ADSL: variants seen among roughly 807,000 people sequenced by gnomAD.
ADSL encodes the protein adenylosuccinate lyase, also known as adenylosuccinase.
ADSL carries 44 observed loss-of-function variants against 62.1 expected under a neutral mutation model. The observed-to-expected ratio is 0.71, with a 90% CI of 0.56 to 0.91. The LOEUF (loss-of-function observed/expected upper bound fraction) is 0.91, where lower values mean the gene tolerates loss of function less well. Ranked by LOEUF, ADSL falls within the 40% of genes least tolerant of loss-of-function variation. The pLI, the probability that ADSL is intolerant of heterozygous loss-of-function variation, is 0.00. For synonymous variants in ADSL, 198 were observed against 220.5 expected (o/e 0.90, Z 0.90); for missense variants, 531 against 627.4 (o/e 0.85, Z 1.64).
intron 1 of ADSL, chr22:40,347,384 CT>C (rs2044183843): frequency 1.3e-5 from 2 of 152,262 alleles, no homozygotes; most frequent in South Asian, 4.1e-4. Context: ...TTTATAATTT[CT>C]TTTCTAAGGG....
intron 4 of ADSL, 104 bp from the exon 5 acceptor site, chr22:40,358,760 G>C: frequency 1.9e-6 from 2 of 1,057,386 alleles, no homozygotes; most frequent in East Asian, 2.4e-5. Flanking sequence ...TACTTAAATT[G>C]TTCTCCCTCC....
intron 11 of ADSL, 147 bp downstream of exon 11, chr22:40,364,512 A>G (rs188592067): frequency 5.2e-6 from 4 of 772,900 alleles, no homozygotes; most frequent in East Asian, 2.7e-5. Context: ...TCTGCCATCT[A>G]TGGAGGGTGA....
At chr22:40,356,032 CA>C (rs1212379585) in intron 4 of ADSL, among the ~76,000 whole-genome samples, 1,516 of 55,330 alleles carry the variant, frequency 0.027, 7 homozygotes, top group African/African-American at 0.045. Context: ...ACTAAAAATA[CA>C]AAAAAAAAAA....
At chr22:40,364,692 G>T (rs1601597372) in intron 11 of ADSL, 188 bp from the exon 12 acceptor site, 1 of 673,712 alleles carries the variant, frequency 1.5e-6, no homozygotes, top group East Asian at 2.7e-5. Context: ...TCCATTTCAG[G>T]CTTGTCCTAA....
chr22:40,361,553 C>T lies in ADSL; in HGVS notation c.928C>T (p.His310Tyr), dbSNP rs2044791004. ...RSERCCSLAR[H>Y]LMTLVMDPLQ... ...AGAACGTTGCTGCAGTCTTGCCCGC[C>T]ACCTGATGACCCTTGTCATGGACCC... The change falls in exon 9 of 13, where the codon CAC becomes TAC. Residue 310 changes from histidine to tyrosine, a missense_variant. His to Tyr is a moderately conservative substitution (Grantham distance 83). Around this residue, in one of 2 missense-constraint regions of ADSL, gnomAD observed 471 missense variants for 592.9 expected, o/e 0.79. Coordinates refer to ENST00000623063, the MANE Select transcript of ADSL (RefSeq NM_000026.4). The T allele has an allele frequency of 6.2e-7, 1 of 1,614,110 alleles. No homozygotes were observed. Among genetic ancestry groups the T allele is most frequent in the African/African-American group, 1.3e-5 (1 of 74,932 alleles).
downstream of ADSL, chr22:40,369,420 TG>T (rs1262936696): frequency 6.8e-6 from 1 of 147,544 alleles, no homozygotes; most frequent in African/African-American, 2.5e-5. Context: ...TGTACATTTA[TG>T]TATATATATA....
chr22:40,376,432 G>A (rs887918411), intron 2 of ADSL: 1 of 151,994 alleles, frequency 6.6e-6, no homozygotes, highest in East Asian at 1.9e-4. Flanking sequence ...GTGATTACAG[G>A]TGCATGCCAC....
At chr22:40,382,788 C>T (rs1424933583) in intron 2 of ADSL, among the ~76,000 whole-genome samples, 1 of 152,174 alleles carries the variant, frequency 6.6e-6, no homozygotes, top group East Asian at 1.9e-4. Flanking sequence ...CCATGCCAAG[C>T]ATGTGATAGG....
In ADSL at chr22:40,346,552, G is replaced by A. The variant is rs1186560467; in HGVS notation, c.-7G>A. The A allele has an allele frequency of 1.2e-6, 2 of 1,602,828 alleles. No individual in the cohort carries two copies. Among genetic ancestry groups the A allele is most frequent in the Non-Finnish European group, 1.7e-6 (2 of 1,176,434 alleles). ...CCAGTCCACCCTGGCGGGGTCGCAGGGTTGGGATGGCGGCTGGAGGCGATC... is the reference window on the plus strand; with the variant it reads ...CCAGTCCACCCTGGCGGGGTCGCAGAGTTGGGATGGCGGCTGGAGGCGATC... On this transcript the variant is annotated 5_prime_UTR_variant, in exon 1 of 13. Coordinates refer to ENST00000623063, the MANE Select transcript of ADSL (RefSeq NM_000026.4).
At chr22:40,348,577 C>T in intron 1 of ADSL, 1 of 398,542 alleles carries the variant, frequency 2.5e-6, no homozygotes. Context: ...AGATGGGTCT[C>T]ACTGTGTTTT....
Position 40,366,979 on chromosome 22 carries a change from TAAA to T in ADSL, c.*472_*474del, listed in dbSNP as rs71718801. ...GAAGTTTGGAACTACAGTAAATACT[TAAA>T]AAAAAAAAAAAAAAGAACCAAACCC... On this transcript the variant is annotated 3_prime_UTR_variant, in exon 13 of 13. Transcript: ENST00000623063. 4.4e-5 allele frequency: 6 copies of T among 135,984 alleles called. No homozygotes were observed. Among genetic ancestry groups the T allele is most frequent in the Admixed American group, 2.1e-4 (3 of 14,090 alleles). The allele number at this position is 135,984 out of a possible 1,614,324, so 8.4% of individuals were successfully genotyped here.
At chr22:40,376,623 C>G (rs1357093838) in intron 2 of ADSL, 1 of 152,152 alleles carries the variant, frequency 6.6e-6, no homozygotes, top group Non-Finnish European at 1.5e-5. Context: ...TATTAACTCA[C>G]AATCCTCACA....
intron 4 of ADSL, among the ~76,000 whole-genome samples, chr22:40,355,433 C>T (rs772223331): frequency 6.6e-6 from 1 of 152,208 alleles, no homozygotes; most frequent in East Asian, 1.9e-4. Context: ...GCTGGGATTA[C>T]AGGCGTGAGC....
intron 2 of ADSL, among the ~76,000 whole-genome samples, chr22:40,351,172 A>AAT (rs2044331328): frequency 7.0e-6 from 1 of 143,764 alleles, no homozygotes; most frequent in African/African-American, 2.5e-5. Context: ...TTAAAAAAAA[A>AAT]TTTTTTTTTT....
intron 1 of ADSL, 119 bp from the exon 2 acceptor site, chr22:40,349,713 T>A (rs2044272824): frequency 1.1e-6 from 1 of 929,154 alleles, no homozygotes; most frequent in Admixed American, 2.0e-5. Context: ...AAATTTTAAT[T>A]TAAGGGTTGG....
chr22:40,349,217 A>C (rs2044254133), intron 1 of ADSL, among the ~76,000 whole-genome samples: 1 of 152,142 alleles, frequency 6.6e-6, no homozygotes, highest in South Asian at 2.1e-4. Context: ...CAAGTGACAC[A>C]GAGTGTGTTT....
intron 2 of ADSL, among the ~76,000 whole-genome samples, chr22:40,374,504 A>G (rs1246771770): frequency 6.6e-6 from 1 of 152,224 alleles, no homozygotes; most frequent in Non-Finnish European, 1.5e-5. Flanking sequence ...CTTGCCTGCA[A>G]TGTAAGCTCT....
intron 3 of ADSL, chr22:40,353,718 C>T: frequency 3.7e-6 from 1 of 272,324 alleles, no homozygotes; most frequent in Non-Finnish European, 7.0e-6. Context: ...CTCCACCTCC[C>T]AGGTTCATGC....
chr22:40,364,734 A>G, intron 11 of ADSL, 146 bp from the exon 12 acceptor site: 2 of 824,962 alleles, frequency 2.4e-6, no homozygotes, highest in Admixed American at 4.0e-5. Context: ...AGACCCTGGT[A>G]CAGATAGACA....
Sources: allele counts gnomAD v4.1 joint callset (sites outside exome capture counted in the v4.1 genomes callset), GRCh38; gene constraint gnomAD v4.1.1; regional missense constraint gnomAD v4.1.1; transcripts MANE v1.5; gene names NCBI Gene and HGNC (gene_info 2026-07-23, HGNC 2026-07-21).